BCAS4: variants seen among roughly 807,000 people sequenced by gnomAD.
BCAS4 encodes breast carcinoma-amplified sequence 4.
A neutral mutation model predicts 15.7 loss-of-function variants in BCAS4; 9 were observed. The ratio of observed to expected loss-of-function variants is 0.57; its 90% CI spans 0.34 to 1.00. The LOEUF (loss-of-function observed/expected upper bound fraction) is 1.00. Among genes scored for constraint, BCAS4 ranks in the 50% least tolerant of loss-of-function variants. The pLI is 0.02. For synonymous variants in BCAS4, 101 were observed against 99.5 expected (o/e 1.02, Z -0.09); for missense variants, 225 against 239.1 (o/e 0.94, Z 0.39).
intron 4 of BCAS4, among the ~76,000 whole-genome samples, chr20:50,858,488 G>A (rs770741351): frequency 7.9e-5 from 12 of 152,100 alleles, no homozygotes; most frequent in Non-Finnish European, 1.8e-4. Flanking sequence ...TGTAATCTCA[G>A]CTACTTGGGA....
rs1218607325 is a variant in BCAS4 at position 50,818,287 on chromosome 20, G to A, written c.162+5G>A. ...TTTTGCAGCCTGGCTGACCTGGTGA[G>A]TGGCTGCCTGGAAGGCGTGGGTTTA... is the stretch of plus-strand genomic sequence containing the variant. On this transcript the variant is annotated splice_donor_5th_base_variant and intron_variant, in intron 2 of 4. Transcript: ENST00000371608. 2 of 1,612,548 alleles carry A rather than the reference G, an allele frequency of 1.2e-6. No homozygotes were observed. Among genetic ancestry groups the A allele is most frequent in the South Asian group, 1.1e-5 (1 of 90,674 alleles).
intron 1 of BCAS4, among the ~76,000 whole-genome samples, chr20:50,798,944 C>A (rs76941279): frequency 0.056 from 8,539 of 152,160 alleles, 377 homozygotes; most frequent in African/African-American, 0.12. Flanking sequence ...GTGGATGGAC[C>A]GTAATTTATG....
intron 2 of BCAS4, among the ~76,000 whole-genome samples, chr20:50,822,842 G>A (rs6013021): frequency 0.39 from 58,879 of 150,386 alleles, 14,641 homozygotes; most frequent in African/African-American, 0.72. Flanking sequence ...GGCCAGGCTG[G>A]TCTCGAACTC....
intron 3 of BCAS4, among the ~76,000 whole-genome samples, chr20:50,838,852 CAAAA>C (rs1003939587): frequency 2.0e-5 from 3 of 151,780 alleles, no homozygotes; most frequent in Admixed American, 2.0e-4. Context: ...TTAAAAAAAA[CAAAA>C]CAAACAAACA....
chr20:50,863,171 A>C (rs2123838901), intron 4 of BCAS4, among the ~76,000 whole-genome samples: 1 of 151,278 alleles, frequency 6.6e-6, no homozygotes, highest in Non-Finnish European at 1.5e-5. Context: ...CTGCATCAGG[A>C]ACTGGGCTCC....
At chr20:50,870,725 A>G (rs1292072831) in intron 4 of BCAS4, among the ~76,000 whole-genome samples, 1 of 152,232 alleles carries the variant, frequency 6.6e-6, no homozygotes, top group Non-Finnish European at 1.5e-5. Flanking sequence ...TTCCATTTTT[A>G]CAAAATCACA....
At chr20:50,835,005 T>C (rs2123797505) in intron 3 of BCAS4, among the ~76,000 whole-genome samples, 1 of 152,328 alleles carries the variant, frequency 6.6e-6, no homozygotes, top group Middle Eastern at 3.4e-3. Flanking sequence ...TAAACAATGC[T>C]GCTATGAACG....
Position 50,832,114 on chromosome 20 carries a change from C to A in BCAS4, c.264+1734C>A, listed in dbSNP as rs75641602. On this transcript the variant is annotated intron_variant, in intron 3 of 4. Transcript: ENST00000371608. ...TTGACTGAGGGCCAGGAGAGACCCT[C>A]AGCAGGGTATTACCATATCAGCCTC... Among the ~76,000 whole-genome samples the A allele has an allele frequency of 4.6e-3, 703 of 152,190 alleles. 7 individuals are homozygous for A. The highest frequency in any genetic ancestry group is 0.016 in the African/African-American group (685 of 41,534).
chr20:50,823,616 G>C (rs985483001), intron 2 of BCAS4, among the ~76,000 whole-genome samples: 41 of 152,156 alleles, frequency 2.7e-4, no homozygotes, highest in Non-Finnish European at 5.3e-4. Flanking sequence ...GAGCTCAGGA[G>C]TTTGAGACCA....
At chr20:50,870,466 A>G (rs943347725) in intron 4 of BCAS4, among the ~76,000 whole-genome samples, 1 of 152,164 alleles carries the variant, frequency 6.6e-6, no homozygotes, top group African/African-American at 2.4e-5. Flanking sequence ...ACGTGCTGTG[A>G]CAGCCATTTG....
At chr20:50,826,062 C>T (rs1383764837) in intron 2 of BCAS4, among the ~76,000 whole-genome samples, 6 of 152,280 alleles carry the variant, frequency 3.9e-5, no homozygotes, top group South Asian at 4.1e-4. Context: ...CTCACTCCCC[C>T]GATTTGTTTC....
chr20:50,843,442 T>C (rs1037677185), intron 4 of BCAS4, among the ~76,000 whole-genome samples: 5 of 152,232 alleles, frequency 3.3e-5, no homozygotes, highest in Non-Finnish European at 7.3e-5. Context: ...TGTCAACTCA[T>C]TCTATTTGGC....
At chr20:50,828,751 C>T (rs1387855857) in intron 2 of BCAS4, among the ~76,000 whole-genome samples, 1 of 152,166 alleles carries the variant, frequency 6.6e-6, no homozygotes, top group East Asian at 1.9e-4. Context: ...TGCACTCCAG[C>T]CTGGGCAACA....
chr20:50,844,257 CA>C (rs1405186258), intron 4 of BCAS4, among the ~76,000 whole-genome samples: 1 of 151,862 alleles, frequency 6.6e-6, no homozygotes, highest in Admixed American at 6.6e-5. Context: ...GCCTTGGCAA[CA>C]AAGCAAGACC....
rs145390219 is a variant in BCAS4, at chr20:50,854,311, G to A, written c.399+12411G>A. ...ATGGCCTCAGGTCGAGGATTTGAACGTGCATGATTTGCTTTCCATTTGGCA... is the reference window on the plus strand; with the variant it reads ...ATGGCCTCAGGTCGAGGATTTGAACATGCATGATTTGCTTTCCATTTGGCA... On this transcript the variant is annotated intron_variant, in intron 4 of 4. Transcript: ENST00000371608. 2.3e-3 allele frequency among the ~76,000 whole-genome samples: 355 copies of A among 152,186 alleles called. 2 individuals carry two copies. Among genetic ancestry groups the A allele is most frequent in the African/African-American group, 7.8e-3 (322 of 41,516 alleles).
rs1007958242 is a variant in BCAS4, at chr20:50,851,430, G to A, written c.399+9530G>A. Among the ~76,000 whole-genome samples the A allele has an allele frequency of 4.6e-5, 7 of 152,164 alleles. No individual in the cohort carries two copies. In the East Asian group the frequency reaches 7.7e-4, roughly 17 times the overall value. Reference sequence around the variant, plus strand: ...CTTTGGTGGAGTGCTATAGGGGGACGGAGGGTTCCTGGCAGGCTGGTTTGG... The same window carrying A: ...CTTTGGTGGAGTGCTATAGGGGGACAGAGGGTTCCTGGCAGGCTGGTTTGG... On this transcript the variant is annotated intron_variant, in intron 4 of 4. Coordinates refer to ENST00000371608, the MANE Select transcript of BCAS4 (RefSeq NM_198799.4). This position sits in a 1 kb window ranked among gnomAD's most constrained non-coding sequence, Gnocchi z 4.3.
Position 50,841,942 on chromosome 20 carries a change from C to T in BCAS4, c.399+42C>T, listed in dbSNP as rs6096118. The T allele has an allele frequency of 1.2e-5, 18 of 1,522,506 alleles. No individual in the cohort carries two copies. The African/African-American group carries it at 1.8e-4, about 15-fold the overall frequency. 94.3% of individuals were successfully genotyped at this position (1,522,506 alleles called of 1,614,324 possible). On this transcript the variant is annotated intron_variant, in intron 4 of 4. Transcript: ENST00000371608. ...GAGAAGTGAGGGGAGGGCCTCTCCC[C>T]CTTCGCTCCGCAGACCCCAGCGTGG...
At chr20:50,842,624 G>A (rs2123809486) in intron 4 of BCAS4, among the ~76,000 whole-genome samples, 1 of 152,294 alleles carries the variant, frequency 6.6e-6, no homozygotes, top group African/African-American at 2.4e-5. Flanking sequence ...CACCATGTTG[G>A]CCAGGCTGGT....
intron 2 of BCAS4, among the ~76,000 whole-genome samples, chr20:50,823,888 C>T (rs897408255): frequency 6.6e-5 from 10 of 151,928 alleles, no homozygotes; most frequent in East Asian, 1.9e-4. Context: ...AACATATGTG[C>T]GGATTCATCA....
Sources: allele counts gnomAD v4.1 joint callset (sites outside exome capture counted in the v4.1 genomes callset), GRCh38; gene constraint gnomAD v4.1.1; non-coding constraint Gnocchi (gnomAD v3.1); transcripts MANE v1.5; gene names NCBI Gene and HGNC (gene_info 2026-07-23, HGNC 2026-07-21).